PSG11: variants seen among roughly 807,000 people sequenced by gnomAD.
PSG11 encodes the protein pregnancy specific beta-1-glycoprotein 11.
PSG11 carries 42 observed loss-of-function variants against 36.0 expected under a neutral mutation model. That is an observed-to-expected ratio of 1.17 (90% CI 0.91 to 1.51). The LOEUF is 1.51. Ranked by LOEUF, PSG11 falls within the 40% of genes most tolerant of loss-of-function variation. The pLI, the probability that PSG11 is intolerant of heterozygous loss-of-function variation, is 0.00. For synonymous variants in PSG11, 206 were observed against 153.5 expected (o/e 1.34, Z -2.53); for missense variants, 558 against 403.5 (o/e 1.38, Z -3.28).
chr19:43,016,642 G>A (rs1245312650), intron 3 of PSG11, among the ~76,000 whole-genome samples: 1 of 151,490 alleles, frequency 6.6e-6, no homozygotes, highest in Non-Finnish European at 1.5e-5. Flanking sequence ...GTGGGGCAGT[G>A]TTTTGCAGGT....
Position 43,026,430 on chromosome 19 carries a change from C to T in PSG11, c.-58G>A, listed in dbSNP as rs760880338. The T allele has an allele frequency of 8.8e-6, 14 of 1,593,342 alleles. No homozygotes were observed. The East Asian group carries it at 9.1e-5, about 10-fold the overall frequency. On this transcript the variant is annotated 5_prime_UTR_variant, in exon 1 of 6. Transcript: ENST00000320078. ...AGATGAGCCTAGGATCCAGAAGCTT[C>T]CAGAGCACGGCTGTCAGCTGTGCTG...
At chr19:43,025,783 A>G (rs1192802784) in intron 1 of PSG11, among the ~76,000 whole-genome samples, 1 of 149,864 alleles carries the variant, frequency 6.7e-6, no homozygotes, top group East Asian at 1.9e-4. Context: ...GTGGCCCCTG[A>G]TGATTAATCA....
rs996484974 is a variant in PSG11, at chr19:43,022,716, A to G, written c.430+1975T>C. ...GGTCTTGTCCACAGGTCAGCCTCAC[A>G]AAGGGGAAGAGCCCTTGATGGGAAT... On this transcript the variant is annotated intron_variant, in intron 2 of 5. Transcript: ENST00000320078. Among the ~76,000 whole-genome samples the G allele has an allele frequency of 1.6e-4, 24 of 151,370 alleles. 2 individuals carry two copies. Among genetic ancestry groups the G allele is most frequent in the African/African-American group, 5.6e-4 (23 of 41,074 alleles).
intron 3 of PSG11, among the ~76,000 whole-genome samples, chr19:43,018,147 G>A (rs1240958614): frequency 6.6e-6 from 1 of 151,194 alleles, no homozygotes; most frequent in African/African-American, 2.4e-5. Flanking sequence ...TATGAGATTT[G>A]TTCCACCAGT....
intron 3 of PSG11, among the ~76,000 whole-genome samples, chr19:43,016,896 G>T (rs1260763778): frequency 6.6e-6 from 1 of 151,582 alleles, no homozygotes; most frequent in African/African-American, 2.4e-5. Context: ...GGGTGGGAAT[G>T]AACTGCTGGA....
intron 2 of PSG11, chr19:43,019,363 C>T (rs1967047989): frequency 5.0e-6 from 2 of 398,560 alleles, no homozygotes; most frequent in Non-Finnish European, 8.6e-6. Context: ...CAACTGCCTG[C>T]CTGGCCCACC....
intron 4 of PSG11, among the ~76,000 whole-genome samples, chr19:43,012,950 A>G (rs1369350970): frequency 1.3e-5 from 2 of 151,454 alleles, no homozygotes; most frequent in East Asian, 3.9e-4. Flanking sequence ...AATTAATGAA[A>G]TATCATAGCC....
chr19:43,016,133 C>T lies in PSG11; in HGVS notation c.710-763G>A, dbSNP rs1289971606. ...TTCAATCAGAGTTGGCATCTCCCACCTCTCAGCCCACCCGAGTCCTTGAAA... is the reference window on the plus strand; with the variant it reads ...TTCAATCAGAGTTGGCATCTCCCACTTCTCAGCCCACCCGAGTCCTTGAAA... On this transcript the variant is annotated intron_variant, in intron 3 of 5. Transcript: ENST00000320078. 45 of 1,517,162 alleles carry T rather than the reference C, an allele frequency of 3.0e-5. 1 individual carries two copies. In the South Asian group the frequency reaches 3.3e-4, roughly 11 times the overall value. 94.0% of individuals were successfully genotyped at this position (1,517,162 alleles called of 1,614,324 possible).
In PSG11 at chr19:43,010,112, G is replaced by C. The variant is rs775379781; in HGVS notation, c.965-71C>G. On this transcript the variant is annotated intron_variant, in intron 4 of 5. Transcript: ENST00000320078. ...TTACATGGGGGAGCGTCAGGAACAAGCATGTAACATGAGATACTGTATAAT... is the reference window on the plus strand; with the variant it reads ...TTACATGGGGGAGCGTCAGGAACAACCATGTAACATGAGATACTGTATAAT... 5.2e-6 allele frequency: 8 copies of C among 1,553,034 alleles called. No individual in the cohort carries two copies. The East Asian group carries it at 1.8e-4, about 35-fold the overall frequency.
At position 43,026,467 on chromosome 19, in the gene PSG11, T is replaced by C; in HGVS notation, c.-95A>G. On this transcript the variant is annotated 5_prime_UTR_variant, in exon 1 of 6. Coordinates refer to ENST00000320078, the MANE Select transcript of PSG11 (RefSeq NM_002785.3). ...TGTCAGCTGTGCTGTCCTTCCTCCT[T>C]CTGCGCTGAGACTCTTCCCGGTGGA... is the stretch of plus-strand genomic sequence containing the variant. 6.8e-7 allele frequency: 1 copy of C among 1,473,422 alleles called. No homozygotes were observed. Among genetic ancestry groups the C allele is most frequent in the Non-Finnish European group, 9.1e-7 (1 of 1,101,334 alleles). 91.3% of individuals were successfully genotyped at this position (1,473,422 alleles called of 1,614,324 possible).
At chr19:43,022,960 G>A (rs976541933) in intron 2 of PSG11, among the ~76,000 whole-genome samples, 4 of 150,794 alleles carry the variant, frequency 2.7e-5, no homozygotes, top group African/African-American at 7.4e-5. Context: ...GACAGGGCTT[G>A]CCAGTCAGAA....
In PSG11 at chr19:43,012,958, G is replaced by A. The variant is rs191447035; in HGVS notation, c.964+2158C>T. Reference sequence around the variant, plus strand: ...ACATAGAAATTAATGAAATATCATAGCCCAGAAAGAAATGCTTGCATATAT... The same window carrying A: ...ACATAGAAATTAATGAAATATCATAACCCAGAAAGAAATGCTTGCATATAT... On this transcript the variant is annotated intron_variant, in intron 4 of 5. Transcript: ENST00000320078. 1.8e-3 allele frequency among the ~76,000 whole-genome samples: 279 copies of A among 151,428 alleles called. 13 individuals carry two copies. The South Asian group carries it at 0.046, about 25-fold the overall frequency.
chr19:43,025,996 C>T (rs1375194963), intron 1 of PSG11, among the ~76,000 whole-genome samples: 3 of 124,576 alleles, frequency 2.4e-5, no homozygotes, highest in South Asian at 2.7e-4. Flanking sequence ...GCCTGGCGTG[C>T]AGTGGCACTA....
chr19:43,012,348 G>A (rs1357674137), intron 4 of PSG11, among the ~76,000 whole-genome samples: 1 of 151,330 alleles, frequency 6.6e-6, no homozygotes, highest in Non-Finnish European at 1.5e-5. Flanking sequence ...GAAGGAAGGA[G>A]TAAAATTATT....
Position 43,015,349 on chromosome 19 carries a change from A to T in PSG11, c.731T>A (p.Ile244Asn). The T allele has an allele frequency of 6.2e-7, 1 of 1,610,802 alleles. No homozygotes were observed. Among genetic ancestry groups the T allele is most frequent in the Non-Finnish European group, 8.5e-7 (1 of 1,178,088 alleles). ...NLLHGPDLPR[I>N]FPSVTSYYSG... The stretch of plus-strand genomic sequence containing the variant: ...ATAGTAAGAGGTGACTGAAGGGAAA[A>T]TTCTGGGGAGGTCTGGACCATCTGG... Residue 244 changes from isoleucine to asparagine, a missense_variant, in exon 4 of 6, where the codon ATT becomes AAT. By Grantham distance (149) the Ile-to-Asn change is moderately radical. Coordinates refer to ENST00000320078, the MANE Select transcript of PSG11 (RefSeq NM_002785.3).
At position 43,007,888 on chromosome 19, in the gene PSG11, A is replaced by G; in HGVS notation, c.*195T>C. The G allele has an allele frequency of 2.7e-6, 1 of 376,144 alleles. No individual in the cohort carries two copies. Among genetic ancestry groups the G allele is most frequent in the Non-Finnish European group, 5.0e-6 (1 of 200,538 alleles). 23.3% of individuals were successfully genotyped at this position (376,144 alleles called of 1,614,324 possible). ...ACATTATCCTTTTGTTATTTAGTCC[A>G]ATGAAATGGAGTTCTTTTCTTCTTT... On this transcript the variant is annotated 3_prime_UTR_variant, in exon 6 of 6. Transcript: ENST00000320078.
chr19:43,010,212 C>T (rs1292751840), intron 4 of PSG11, 171 bp from the exon 5 acceptor site: 13 of 1,451,080 alleles, frequency 9.0e-6, no homozygotes, highest in Non-Finnish European at 1.2e-5. Flanking sequence ...TTTTTTTTCC[C>T]TCTCACCATG....
Position 43,015,291 on chromosome 19 carries a change from T to A in PSG11, c.789A>T (p.Ala263=), listed in dbSNP as rs751731627. Residue 263 remains alanine, a synonymous_variant, in exon 4 of 6, where the codon GCA becomes GCT. Coordinates refer to ENST00000320078, the MANE Select transcript of PSG11 (RefSeq NM_002785.3). ...SGENLDLSCF[A]NSNPPAQYSW... is the part of the protein sequence containing the mutation. ...AATACTGTGCTGGTGGGTTAGAGTT[T>A]GCGAAGCAGGACAAGTCGAGGTTCT... 9 of 1,610,604 alleles carry A rather than the reference T, an allele frequency of 5.6e-6. No individual in the cohort carries two copies. Among genetic ancestry groups the A allele is most frequent in the African/African-American group, 1.3e-5 (1 of 74,374 alleles).
At chr19:43,015,084 C>A (rs749327784) in intron 4 of PSG11, 32 bp downstream of exon 4, 4 of 1,611,014 alleles carry the variant, frequency 2.5e-6, no homozygotes, top group Non-Finnish European at 3.4e-6. Flanking sequence ...CCACCTAAAA[C>A]CCTATTGCCA....
Sources: gnomAD v4.1 joint callset for allele counts (sites outside exome capture counted in the v4.1 genomes callset) on GRCh38, gnomAD v4.1.1 for gene constraint, MANE v1.5 for transcripts, NCBI Gene and HGNC (gene_info 2026-07-23, HGNC 2026-07-21) for gene names.